The following DPCD variants were observed in gnomAD, a reference collection of about 807,000 sequenced individuals.
DPCD encodes the protein protein DPCD.
Under a neutral mutation model 26.4 loss-of-function variants are expected in DPCD, and 20 were observed. The observed-to-expected ratio is 0.76, with a 90% CI of 0.53 to 1.10. The LOEUF (loss-of-function observed/expected upper bound fraction) is 1.10, where lower values mean the gene tolerates loss of function less well. Among genes scored for constraint, DPCD ranks in the 50% least tolerant of loss-of-function variants. The pLI is 0.00. For missense variants in DPCD, 202 were observed against 253.9 expected (o/e 0.80, Z 1.39); for synonymous variants, 97 against 94.2 (o/e 1.03, Z -0.17).
chr10:101,604,201 G>A (rs920002151), intron 4 of DPCD, among the ~76,000 whole-genome samples: 9 of 152,162 alleles, frequency 5.9e-5, no homozygotes, highest in Non-Finnish European at 1.5e-5. Context: ...GTCAGGAGGT[G>A]GACAGGATCC....
At chr10:101,609,293 A>C (rs1357975712) in intron 5 of DPCD, 74 bp from the exon 6 acceptor site, 60 of 1,347,352 alleles carry the variant, frequency 4.5e-5, no homozygotes, top group Non-Finnish European at 5.7e-5. Flanking sequence ...CAGAAGGAGA[A>C]GGGGCCCCAA....
At position 101,604,547 on chromosome 10, in the gene DPCD, G is replaced by T. The variant is rs569643935; in HGVS notation, c.404+3211G>T. 1.6e-4 allele frequency among the ~76,000 whole-genome samples: 25 copies of T among 152,304 alleles called. No individual in the cohort carries two copies. The South Asian group carries it at 5.0e-3, about 30-fold the overall frequency. ...TCCTTGGCCTCACATATTAGTGAGG[G>T]ATGAATCAGGGAAGGAAAAAAGTGC... On this transcript the variant is annotated intron_variant, in intron 4 of 5. Transcript: ENST00000370151.
At chr10:101,590,537 A>G (rs550608608) in intron 1 of DPCD, among the ~76,000 whole-genome samples, 3 of 151,600 alleles carry the variant, frequency 2.0e-5, no homozygotes, top group Non-Finnish European at 2.9e-5. Flanking sequence ...TTGTGCAACT[A>G]TCACCACCAT....
At position 101,603,271 on chromosome 10, in the gene DPCD, A is replaced by C. The variant is rs2063711097; in HGVS notation, c.404+1935A>C. Reference sequence around the variant, plus strand: ...CCTTAGCCAGATCGTTCCCGAACCTAGTGGCATTTTTACCTTCTACCTGGA... The same window carrying C: ...CCTTAGCCAGATCGTTCCCGAACCTCGTGGCATTTTTACCTTCTACCTGGA... On this transcript the variant is annotated intron_variant, in intron 4 of 5. Coordinates refer to ENST00000370151, the MANE Select transcript of DPCD (RefSeq NM_015448.3). This position sits in a 1 kb window ranked among gnomAD's most constrained non-coding sequence, Gnocchi z 4.6. Among the ~76,000 whole-genome samples the C allele has an allele frequency of 6.6e-6, 1 of 152,134 alleles. No homozygotes were observed. The highest frequency in any genetic ancestry group is 1.5e-5 in the Non-Finnish European group (1 of 68,026).
intron 1 of DPCD, among the ~76,000 whole-genome samples, chr10:101,594,433 A>G (rs2063634900): frequency 6.6e-6 from 1 of 152,222 alleles, no homozygotes; most frequent in Non-Finnish European, 1.5e-5. Context: ...CTGGTAGAGG[A>G]AACAGCAGGG....
chr10:101,597,764 C>G, intron 2 of DPCD, among the ~76,000 whole-genome samples: 1 of 152,222 alleles, frequency 6.6e-6, no homozygotes, highest in Non-Finnish European at 1.5e-5. Flanking sequence ...AAACAGTCTT[C>G]TGTTGCCGCA....
Position 101,600,816 on chromosome 10 carries a change from G to A in DPCD, c.224G>A (p.Gly75Glu). The A allele has an allele frequency of 6.2e-7, 1 of 1,614,020 alleles. No homozygotes were observed. Among genetic ancestry groups the A allele is most frequent in the South Asian group, 1.1e-5 (1 of 91,078 alleles). Reference protein sequence around the residue: ...QLEVGDPAPLGAGNLGPELIK... With the variant: ...QLEVGDPAPLEAGNLGPELIK... ...GAAGTAGGAGACCCAGCGCCCCTAG[G>A]AGCAGGGAACCTGGGGCCTGAACTC... The change falls in exon 3 of 6, where the codon GGA (glycine) becomes GAA (glutamate). Residue 75 changes from glycine to glutamate, a missense_variant. Gly to Glu is a moderately conservative substitution (Grantham distance 98, BLOSUM62 -2). Coordinates refer to ENST00000370151, the MANE Select transcript of DPCD (RefSeq NM_015448.3). The surrounding 1 kb of genome is among the most constrained non-coding windows in gnomAD (Gnocchi z 4.7).
At position 101,600,832 on chromosome 10, in the gene DPCD, G is replaced by A. The variant is rs201479943; in HGVS notation, c.240G>A (p.Gly80=). The A allele has an allele frequency of 6.0e-5, 97 of 1,613,998 alleles. No individual in the cohort carries two copies. The highest frequency in any genetic ancestry group is 1.6e-4 in the Middle Eastern group (1 of 6,062). ...CGCCCCTAGGAGCAGGGAACCTGGG[G>A]CCTGAACTCATCAAGGAAAGCAATG... is the stretch of plus-strand genomic sequence containing the variant. ...DPAPLGAGNL[G]PELIKESNAN... is the part of the protein sequence containing the mutation. Residue 80 remains glycine, a synonymous_variant, in exon 3 of 6, where the codon GGG becomes GGA. Transcript: ENST00000370151. The surrounding 1 kb of genome is among the most constrained non-coding windows in gnomAD (Gnocchi z 4.7).
chr10:101,591,655 A>C (rs1589720316), intron 1 of DPCD, among the ~76,000 whole-genome samples: 1 of 152,290 alleles, frequency 6.6e-6, no homozygotes, highest in East Asian at 1.9e-4. Context: ...AAAGAAGTCA[A>C]ATATAATATT....
intron 1 of DPCD, among the ~76,000 whole-genome samples, chr10:101,590,574 C>T (rs973114199): frequency 6.7e-6 from 1 of 149,912 alleles, no homozygotes; most frequent in African/African-American, 2.5e-5. Flanking sequence ...TCTTTCTCAA[C>T]GGAAATTCTT....
At chr10:101,604,208 A>G (rs1179851982) in intron 4 of DPCD, among the ~76,000 whole-genome samples, 3 of 152,248 alleles carry the variant, frequency 2.0e-5, no homozygotes, top group African/African-American at 7.2e-5. Context: ...GGTGGACAGG[A>G]TCCATACTTT....
intron 2 of DPCD, among the ~76,000 whole-genome samples, chr10:101,595,306 G>A (rs1201629127): frequency 6.6e-6 from 1 of 152,132 alleles, no homozygotes; most frequent in Non-Finnish European, 1.5e-5. Context: ...CAGGCTCATG[G>A]GTAGGGGCTC....
intron 2 of DPCD, among the ~76,000 whole-genome samples, chr10:101,598,710 C>T (rs2063671687): frequency 6.6e-6 from 1 of 150,492 alleles, no homozygotes; most frequent in Non-Finnish European, 1.5e-5. Flanking sequence ...CCACAGCCTC[C>T]ACCTCCCAGG....
intron 4 of DPCD, among the ~76,000 whole-genome samples, chr10:101,608,276 A>T (rs1214305257): frequency 6.6e-6 from 1 of 152,188 alleles, no homozygotes; most frequent in Non-Finnish European, 1.5e-5. Context: ...GATTTCTCCT[A>T]GTAGATATAC....
intron 1 of DPCD, among the ~76,000 whole-genome samples, chr10:101,593,925 T>C (rs560536285): frequency 6.6e-6 from 1 of 152,318 alleles, no homozygotes; most frequent in Admixed American, 6.5e-5. Flanking sequence ...GGAGCCACAC[T>C]TGGTCTTTAG....
At chr10:101,608,789 G>T in intron 4 of DPCD, 46 bp from the exon 5 acceptor site, 1 of 1,372,296 alleles carries the variant, frequency 7.3e-7, no homozygotes, top group Non-Finnish European at 1.0e-6. Flanking sequence ...CCTGGCTGTT[G>T]GGTCACCTTG....
intron 2 of DPCD, chr10:101,596,540 T>A (rs1270547098): frequency 2.0e-5 from 3 of 152,214 alleles, no homozygotes; most frequent in Non-Finnish European, 2.9e-5. Flanking sequence ...TGCTGGGAGT[T>A]GAGAACACTT....
Position 101,598,611 on chromosome 10 carries a change from C to CTTTTTT in DPCD, c.146-2102_146-2097dup, listed in dbSNP as rs71016333. Among the ~76,000 whole-genome samples, 427 of 74,990 alleles carry CTTTTTT rather than the reference C, an allele frequency of 5.7e-3. 42 individuals are homozygous for CTTTTTT. The highest frequency in any genetic ancestry group is 0.011 in the Middle Eastern group (1 of 88). The allele number at this position is 74,990 out of a possible 152,430, so 49.2% of individuals were successfully genotyped here. A position where few individuals can be genotyped will look rare whatever the true frequency, so the allele number is the denominator to read the frequency against. On this transcript the variant is annotated intron_variant, in intron 2 of 5. Coordinates refer to ENST00000370151, the MANE Select transcript of DPCD (RefSeq NM_015448.3). ...AATACAGACATTGGGTAGATGCTTT[C>CTTTTTT]TTTTTTTTTTTTTTTTTTTTTTTTT...
intron 4 of DPCD, among the ~76,000 whole-genome samples, chr10:101,602,585 G>T (rs1396094836): frequency 1.3e-5 from 2 of 152,252 alleles, no homozygotes; most frequent in Non-Finnish European, 2.9e-5. Context: ...GAAGCCCTCA[G>T]ATAAGAGGCA....
Sources: gnomAD v4.1 joint callset for allele counts (sites outside exome capture counted in the v4.1 genomes callset) on GRCh38, gnomAD v4.1.1 for gene constraint, Gnocchi (gnomAD v3.1) non-coding constraint, MANE v1.5 for transcripts, NCBI Gene and HGNC (gene_info 2026-07-23, HGNC 2026-07-21) for gene names.